Variants in CD99L2 observed in about 807,000 individuals in gnomAD.
The protein encoded by CD99L2 is CD99 antigen-like protein 2.
CD99L2 carries 24 observed loss-of-function variants against 27.3 expected under a neutral mutation model. That is an observed-to-expected ratio of 0.88 (90% CI 0.64 to 1.24). The LOEUF (loss-of-function observed/expected upper bound fraction) is 1.24. Ranked by LOEUF, CD99L2 falls within the 50% of genes most tolerant of loss-of-function variation. The pLI, the probability that CD99L2 is intolerant of heterozygous loss-of-function variation, is 0.00. For synonymous variants in CD99L2, 97 were observed against 87.9 expected, an observed-to-expected ratio of 1.10 and a Z score of -0.58; for missense variants, 255 against 221.6, an observed-to-expected ratio of 1.15 and a Z score of -0.96.
rs782496687 is a variant in CD99L2 at position 150,832,777 on chromosome X, T to C, written c.68-1484A>G. Among the ~76,000 whole-genome samples, 172 of 109,175 alleles carry C rather than the reference T, an allele frequency of 1.6e-3. 4 individuals carry two copies. The highest frequency in any genetic ancestry group is 5.3e-3 in the Middle Eastern group (1 of 188). 94.8% of individuals were successfully genotyped at this position (109,175 alleles called of 115,157 possible). A position where few individuals can be genotyped will look rare whatever the true frequency, so the allele number is the denominator to read the frequency against. On this transcript the variant is annotated intron_variant, in intron 1 of 10. Transcript: ENST00000370377. Reference sequence around the variant, plus strand: ...CTAAAGACTCCACCAGGGCCGGGCGTGGTGGCTCACGCCTGTAATCCCAGC... The same window carrying C: ...CTAAAGACTCCACCAGGGCCGGGCGCGGTGGCTCACGCCTGTAATCCCAGC...
chrX:150,859,184 C>T (rs782449974), intron 1 of CD99L2, among the ~76,000 whole-genome samples: 1 of 111,643 alleles, frequency 9.0e-6, no homozygotes, highest in African/African-American at 3.3e-5. Context: ...AGACCAATAA[C>T]GAGTAATGAG....
At chrX:150,771,617 G>A (rs1315998618) in intron 9 of CD99L2, among the ~76,000 whole-genome samples, 1 of 112,326 alleles carries the variant, frequency 8.9e-6, no homozygotes, top group Non-Finnish European at 1.9e-5. Context: ...TGGGGACAGA[G>A]TGTCTGGCAG....
chrX:150,846,099 G>A (rs1197774136), intron 1 of CD99L2, among the ~76,000 whole-genome samples: 1 of 112,534 alleles, frequency 8.9e-6, no homozygotes, highest in Admixed American at 9.4e-5. Flanking sequence ...GGCTAAGGCA[G>A]GAGAATCGCT....
intron 9 of CD99L2, chrX:150,771,949 G>T: frequency 1.4e-6 from 1 of 740,590 alleles, no homozygotes; most frequent in Non-Finnish European, 2.0e-6. Context: ...CCTTTTGGCA[G>T]CAGCAGAGGC....
chrX:150,790,071 T>A (rs2045663553), intron 7 of CD99L2, among the ~76,000 whole-genome samples: 1 of 110,901 alleles, frequency 9.0e-6, no homozygotes, highest in African/African-American at 3.3e-5. Flanking sequence ...TGCATATTGC[T>A]AAGTGAAAGA....
At chrX:150,792,319 G>A (rs1393310028) in intron 7 of CD99L2, among the ~76,000 whole-genome samples, 5 of 112,174 alleles carry the variant, frequency 4.5e-5, no homozygotes, top group African/African-American at 1.6e-4. Context: ...ATTCATGTGT[G>A]TGCTTACACG....
At chrX:150,854,124 G>A (rs1343812061) in intron 1 of CD99L2, among the ~76,000 whole-genome samples, 5 of 111,139 alleles carry the variant, frequency 4.5e-5, no homozygotes, top group African/African-American at 1.6e-4. Context: ...CCATGGGGCA[G>A]TGAGGAGACC....
intron 7 of CD99L2, among the ~76,000 whole-genome samples, chrX:150,781,609 A>G (rs2045511974): frequency 8.9e-6 from 1 of 112,254 alleles, no homozygotes; most frequent in Admixed American, 9.4e-5. Flanking sequence ...CTCCCTGCAC[A>G]GTGTATCACA....
At chrX:150,824,256 GGAA>G (rs1286445242) in intron 2 of CD99L2, among the ~76,000 whole-genome samples, 4 of 66,195 alleles carry the variant, frequency 6.0e-5, no homozygotes, top group African/African-American at 2.5e-4. Context: ...AGGAGGAGGA[GGAA>G]GAAGGAAGGA....
At chrX:150,781,778 A>G (rs2045515799) in intron 7 of CD99L2, among the ~76,000 whole-genome samples, 1 of 112,227 alleles carries the variant, frequency 8.9e-6, no homozygotes, top group African/African-American at 3.2e-5. Flanking sequence ...TCATAGCTAT[A>G]GGAACCTCTC....
intron 1 of CD99L2, among the ~76,000 whole-genome samples, chrX:150,838,050 A>G (rs1557421255): frequency 8.9e-6 from 1 of 112,694 alleles, no homozygotes; most frequent in Non-Finnish European, 1.9e-5. Flanking sequence ...TTCCCTTGAT[A>G]TAATGTGACA....
chrX:150,880,641 A>C (rs986239643), intron 1 of CD99L2, among the ~76,000 whole-genome samples: 3 of 111,683 alleles, frequency 2.7e-5, no homozygotes, highest in Non-Finnish European at 5.6e-5. Flanking sequence ...CACAGTTTTG[A>C]ATACACTAGA....
intron 4 of CD99L2, among the ~76,000 whole-genome samples, chrX:150,807,253 T>C (rs1557420270): frequency 9.0e-6 from 1 of 111,287 alleles, no homozygotes; most frequent in African/African-American, 3.3e-5. Flanking sequence ...GCACTATATA[T>C]CAAAGCTTGT....
Position 150,848,113 on chromosome X carries a change from C to CG in CD99L2, c.68-16821_68-16820insC, listed in dbSNP as rs1315678050. Among the ~76,000 whole-genome samples the CG allele has an allele frequency of 2.4e-4, 24 of 101,343 alleles. 1 individual carries two copies. The highest frequency in any genetic ancestry group is 4.8e-4 in the South Asian group (1 of 2,076). 88.0% of individuals were successfully genotyped at this position (101,343 alleles called of 115,157 possible). On this transcript the variant is annotated intron_variant, in intron 1 of 10. Transcript: ENST00000370377. Reference sequence around the variant, plus strand: ...ATATGCCTAACTATGGCCTGCAGGCCCCCCCCCCCTTGTACTATACCTCTC... The same window carrying CG: ...ATATGCCTAACTATGGCCTGCAGGCCGCCCCCCCCCTTGTACTATACCTCTC...
chrX:150,898,054 A>ACCCCCCCCCCC, intron 1 of CD99L2, among the ~76,000 whole-genome samples: 1 of 29,969 alleles, frequency 3.3e-5, no homozygotes, highest in Admixed American at 4.7e-4. Flanking sequence ...CGCCTCGCTG[A>ACCCCCCCCCCC]CCCCCCCCCC....
intron 1 of CD99L2, among the ~76,000 whole-genome samples, chrX:150,883,065 G>C (rs2047355949): frequency 8.9e-6 from 1 of 111,884 alleles, no homozygotes; most frequent in African/African-American, 3.3e-5. Flanking sequence ...AGCTACTCGG[G>C]AGGCTGAGGC....
intron 4 of CD99L2, among the ~76,000 whole-genome samples, chrX:150,811,729 G>A (rs1485182439): frequency 2.7e-5 from 3 of 111,602 alleles, no homozygotes; most frequent in African/African-American, 3.2e-5. Context: ...ACAATTCAAC[G>A]GGCAGATAGT....
At chrX:150,874,578 G>A (rs1034785314) in intron 1 of CD99L2, among the ~76,000 whole-genome samples, 20 of 108,645 alleles carry the variant, frequency 1.8e-4, no homozygotes, top group Non-Finnish European at 2.9e-4. Context: ...GGGCGGGGGC[G>A]GGGGAAGTAT....
intron 7 of CD99L2, among the ~76,000 whole-genome samples, chrX:150,787,583 A>T (rs57681195): frequency 9.1e-6 from 1 of 110,104 alleles, no homozygotes; most frequent in East Asian, 2.9e-4. Context: ...GGATGAGTTC[A>T]TGTCCTTTGC....
Sources: allele counts gnomAD v4.1 joint callset (sites outside exome capture counted in the v4.1 genomes callset), GRCh38; gene constraint gnomAD v4.1.1; transcripts MANE v1.5; gene names NCBI Gene and HGNC (gene_info 2026-07-23, HGNC 2026-07-21).